The following CAPN14 variants were observed in gnomAD, a reference collection of about 807,000 sequenced individuals.
The protein encoded by CAPN14 is calpain-14.
In CAPN14, 94 loss-of-function variants were observed where a neutral mutation model predicts 101.3. The ratio of observed to expected loss-of-function variants is 0.93; its 90% CI spans 0.79 to 1.10. The LOEUF (loss-of-function observed/expected upper bound fraction) is 1.10. Ranked by LOEUF, CAPN14 falls within the 50% of genes least tolerant of loss-of-function variation. The pLI, the probability that CAPN14 is intolerant of heterozygous loss-of-function variation, is 0.00. For missense variants in CAPN14, 837 were observed against 828.4 expected (o/e 1.01, Z -0.13); for synonymous variants, 338 against 317.9 (o/e 1.06, Z -0.67).
chr2:31,181,398 TTTTC>T (rs538044256), intron 16 of CAPN14, among the ~76,000 whole-genome samples: 33,499 of 134,076 alleles, frequency 0.25, 4,474 homozygotes, highest in East Asian at 0.36. Context: ...TTCTTTCTTT[TTTTC>T]TTTCTTTCTT....
chr2:31,190,385 AT>A (rs1249936567), intron 12 of CAPN14, among the ~76,000 whole-genome samples: 1 of 151,992 alleles, frequency 6.6e-6, no homozygotes, highest in African/African-American at 2.4e-5. Flanking sequence ...TGAGGTAGGC[AT>A]TTTTTTTATA....
chr2:31,177,230 GT>G, intron 19 of CAPN14, 88 bp from the exon 20 acceptor site: 2 of 799,458 alleles, frequency 2.5e-6, no homozygotes, highest in Non-Finnish European at 4.0e-6. Flanking sequence ...TGTCCCTCCA[GT>G]TTAGGGACCT....
At chr2:31,189,570 G>T in intron 12 of CAPN14, 92 bp from the exon 13 acceptor site, 1 of 1,052,612 alleles carries the variant, frequency 9.5e-7, no homozygotes, top group Non-Finnish European at 1.4e-6. Flanking sequence ...CCAGGACTAA[G>T]GTGGCCTCTG....
intron 1 of CAPN14, among the ~76,000 whole-genome samples, chr2:31,227,396 G>T (rs1482522915): frequency 1.1e-4 from 11 of 97,208 alleles, no homozygotes; most frequent in Non-Finnish European, 2.3e-4. Context: ...GACTCAGACA[G>T]ACCCTCTTTC....
chr2:31,179,167 AC>A (rs1680467886), intron 17 of CAPN14, among the ~76,000 whole-genome samples: 1 of 150,082 alleles, frequency 6.7e-6, no homozygotes, highest in Non-Finnish European at 1.5e-5. Context: ...GGTTTGCTGC[AC>A]CCATTAACTC....
chr2:31,186,522 T>C, intron 15 of CAPN14, 37 bp from the exon 16 acceptor site: 2 of 1,491,928 alleles, frequency 1.3e-6, no homozygotes, highest in Non-Finnish European at 1.8e-6. Flanking sequence ...AAAATAACTG[T>C]TACTGAAGGC....
At chr2:31,203,826 G>A (rs1681926482) in intron 2 of CAPN14, among the ~76,000 whole-genome samples, 1 of 152,094 alleles carries the variant, frequency 6.6e-6, no homozygotes, top group African/African-American at 2.4e-5. Flanking sequence ...AGGAAAGTCT[G>A]TGGCACAGGC....
intron 10 of CAPN14, 46 bp downstream of exon 10, chr2:31,193,085 G>C (rs961873421): frequency 1.3e-6 from 2 of 1,506,942 alleles, no homozygotes; most frequent in African/African-American, 1.4e-5. Flanking sequence ...TGACACCCCC[G>C]CCCACAACCT....
intron 16 of CAPN14, among the ~76,000 whole-genome samples, chr2:31,185,971 C>T (rs1292401340): frequency 6.6e-6 from 1 of 152,112 alleles, no homozygotes; most frequent in Non-Finnish European, 1.5e-5. Context: ...TACTCATTTG[C>T]AATTCTTCTA....
chr2:31,205,561 G>C (rs1311133469), intron 1 of CAPN14, 62 bp from the exon 2 acceptor site: 1 of 823,984 alleles, frequency 1.2e-6, no homozygotes, highest in African/African-American at 1.7e-5. Context: ...CATTGCCACA[G>C]AGACGAGGGG....
chr2:31,232,582 T>C (rs139272395), intron 1 of CAPN14, among the ~76,000 whole-genome samples: 30 of 152,298 alleles, frequency 2.0e-4, no homozygotes, highest in African/African-American at 7.0e-4. Flanking sequence ...AAACACGTCC[T>C]TCATAAGGCG....
rs148724267 is a variant in CAPN14, at chr2:31,178,378, C to T, written c.1779+133G>A. ...AGAGACCAATAGAGGAAATGCTCAC[C>T]GAAGGGAGAATAGAGAAGGTTTGGT... On this transcript the variant is annotated intron_variant, in intron 18 of 21. Coordinates refer to ENST00000403897, the MANE Select transcript of CAPN14 (RefSeq NM_001145122.2). 71 of 698,432 alleles carry T rather than the reference C, an allele frequency of 1.0e-4. No homozygotes were observed. In the Middle Eastern group the frequency reaches 3.0e-3, roughly 30 times the overall value. The allele number at this position is 698,432 out of a possible 1,614,324, so 43.3% of individuals were successfully genotyped here.
intron 2 of CAPN14, among the ~76,000 whole-genome samples, chr2:31,222,984 G>A (rs901309945): frequency 3.3e-5 from 5 of 152,172 alleles, no homozygotes; most frequent in South Asian, 2.1e-4. Context: ...CCAACTTTCC[G>A]CCATGTGAGG....
intron 1 of CAPN14, among the ~76,000 whole-genome samples, chr2:31,209,075 T>A (rs1250041421): frequency 6.6e-6 from 1 of 151,712 alleles, no homozygotes; most frequent in Non-Finnish European, 1.5e-5. Context: ...GCTTAAGGGA[T>A]CCTTCTGCCT....
intron 16 of CAPN14, among the ~76,000 whole-genome samples, chr2:31,181,386 T>TTCTCTTTCTTTCTTTCTTTC (rs1171284901): frequency 7.2e-4 from 95 of 131,276 alleles, no homozygotes; most frequent in East Asian, 3.6e-3. Context: ...TCTTTTCTTT[T>TTCTCTTTCTTTCTTTCTTTC]TTTCTTTCTT....
At chr2:31,229,625 G>A (rs1683126730) in intron 1 of CAPN14, among the ~76,000 whole-genome samples, 1 of 147,226 alleles carries the variant, frequency 6.8e-6, no homozygotes. Context: ...GTTGCAGTAG[G>A]CCAAGATGGC....
At chr2:31,175,959 C>T (rs902585465) in intron 21 of CAPN14, among the ~76,000 whole-genome samples, 15 of 152,196 alleles carry the variant, frequency 9.9e-5, no homozygotes. Flanking sequence ...CAGTTTCATA[C>T]ATAAATTTGT....
upstream of CAPN14, among the ~76,000 whole-genome samples, chr2:31,221,740 G>A (rs368669463): frequency 2.6e-5 from 4 of 152,088 alleles, no homozygotes; most frequent in Admixed American, 2.6e-4. Flanking sequence ...ATGTCATTGG[G>A]GTATAGTCGG....
chr2:31,195,985 T>C (rs964408012), intron 8 of CAPN14, among the ~76,000 whole-genome samples: 1 of 151,876 alleles, frequency 6.6e-6, no homozygotes, highest in African/African-American at 2.4e-5. Context: ...AGAGAGATGA[T>C]AGAATTAGCA....
Sources: gnomAD v4.1 joint callset for allele counts (sites outside exome capture counted in the v4.1 genomes callset) on GRCh38, gnomAD v4.1.1 for gene constraint, MANE v1.5 for transcripts, NCBI Gene and HGNC (gene_info 2026-07-23, HGNC 2026-07-21) for gene names.